The following SCAF8 variants were observed in gnomAD, a reference collection of about 807,000 sequenced individuals.
SCAF8 encodes SR-related CTD associated factor 8, also known as SR-related and CTD-associated factor 8.
Under a neutral mutation model 140.5 loss-of-function variants are expected in SCAF8, and 23 were observed. The ratio of observed to expected loss-of-function variants is 0.16; its 90% CI spans 0.12 to 0.23. SCAF8 has a LOEUF of 0.23. Ranked by LOEUF, SCAF8 falls within the 10% of genes least tolerant of loss-of-function variation. The pLI, the probability that SCAF8 is intolerant of heterozygous loss-of-function variation, is 1.00. For synonymous variants in SCAF8, 575 were observed against 528.9 expected (o/e 1.09, Z -1.20); for missense variants, 1,397 against 1,555.7 (o/e 0.90, Z 1.72).
At chr6:154,831,470 TGTGA>T (rs755232379) in intron 19 of SCAF8, among the ~76,000 whole-genome samples, 6 of 151,830 alleles carry the variant, frequency 4.0e-5, no homozygotes, top group Non-Finnish European at 7.4e-5. Flanking sequence ...AAGTATTGGG[TGTGA>T]GTAACTTCTA....
intron 1 of SCAF8, among the ~76,000 whole-genome samples, chr6:154,758,480 T>G (rs1171776777): frequency 6.6e-6 from 1 of 152,156 alleles, no homozygotes; most frequent in Non-Finnish European, 1.5e-5. Context: ...GCCTTTGCTG[T>G]GCTTCTTTGG....
intron 2 of SCAF8, among the ~76,000 whole-genome samples, chr6:154,775,025 A>G (rs1776877164): frequency 6.6e-6 from 1 of 152,224 alleles, no homozygotes; most frequent in Non-Finnish European, 1.5e-5. Flanking sequence ...CCTGAATTAA[A>G]TTATTAACCG....
intron 12 of SCAF8, among the ~76,000 whole-genome samples, chr6:154,812,281 C>T (rs1184616793): frequency 3.7e-5 from 3 of 80,046 alleles, no homozygotes; most frequent in African/African-American, 9.1e-5. Flanking sequence ...CCTACTTTGT[C>T]TCTATGTCAG....
chr6:154,822,195 G>C, intron 15 of SCAF8, 81 bp from the exon 16 acceptor site: 2 of 1,417,728 alleles, frequency 1.4e-6, no homozygotes, highest in Non-Finnish European at 1.9e-6. Context: ...GAAGGATTTA[G>C]ATGTGAAATA....
chr6:154,824,804 G>T lies in SCAF8; in HGVS notation c.2071+426G>T, dbSNP rs115306612. 8.9e-3 allele frequency: 1,370 copies of T among 153,890 alleles called. 23 individuals carry two copies. Among genetic ancestry groups the T allele is most frequent in the African/African-American group, 0.031 (1,282 of 41,488 alleles). The allele number at this position is 153,890 out of a possible 1,614,324, so 9.5% of individuals were successfully genotyped here. On this transcript the variant is annotated intron_variant, in intron 17 of 19. Coordinates refer to ENST00000367178, the MANE Select transcript of SCAF8 (RefSeq NM_014892.5). The stretch of plus-strand genomic sequence containing the variant: ...CTAAAAATACAAAAATTAGCTAGAC[G>T]TGGTGGCACAGGTCTGTAATTCCAG...
At chr6:154,798,135 T>C (rs926533485) in intron 6 of SCAF8, among the ~76,000 whole-genome samples, 1 of 151,452 alleles carries the variant, frequency 6.6e-6, no homozygotes, top group African/African-American at 2.4e-5. Flanking sequence ...CTCGGGCCTC[T>C]GGAAGCCTAA....
Position 154,832,914 on chromosome 6 carries a change from G to C in SCAF8, c.3335G>C (p.Gly1112Ala). The C allele has an allele frequency of 1.2e-6, 2 of 1,614,128 alleles. No homozygotes were observed. The highest frequency in any genetic ancestry group is 1.7e-6 in the Non-Finnish European group (2 of 1,180,010). Residue 1112 changes from glycine to alanine, a missense_variant, in exon 20 of 20, where the codon GGT becomes GCT. Around this residue, in one of 5 missense-constraint regions of SCAF8, gnomAD observed 930 missense variants for 874.6 expected, o/e 1.06. Transcript: ENST00000367178. ...CATCGGGTTCTACCGGTCTATGGTG[G>C]TCCAAAAGGCTTACATGAAGAAAGA... ...REHRVLPVYG[G>A]PKGLHEERGR...
At chr6:154,795,758 G>T (rs1454224697) in intron 6 of SCAF8, among the ~76,000 whole-genome samples, 1 of 152,128 alleles carries the variant, frequency 6.6e-6, no homozygotes, top group Non-Finnish European at 1.5e-5. Flanking sequence ...GGAATAGAGG[G>T]GAATCACAAA....
chr6:154,785,143 T>C (rs369736611), intron 3 of SCAF8, among the ~76,000 whole-genome samples: 1 of 152,354 alleles, frequency 6.6e-6, no homozygotes, highest in East Asian at 1.9e-4. Context: ...CTCAACATCA[T>C]GTGTCTAGGA....
intron 12 of SCAF8, among the ~76,000 whole-genome samples, chr6:154,811,713 A>G (rs1327400455): frequency 3.9e-5 from 3 of 76,992 alleles, no homozygotes; most frequent in Non-Finnish European, 7.3e-5. Flanking sequence ...GACAGACCCC[A>G]GTGTGTGATG....
intron 12 of SCAF8, among the ~76,000 whole-genome samples, chr6:154,814,228 G>T (rs1410745860): frequency 6.6e-6 from 1 of 152,200 alleles, no homozygotes; most frequent in Non-Finnish European, 1.5e-5. Flanking sequence ...GCGAGGCTGA[G>T]GATCACTTGA....
At chr6:154,741,838 G>A (rs1582992900) in intron 1 of SCAF8, 1 of 644,274 alleles carries the variant, frequency 1.6e-6, no homozygotes, top group East Asian at 2.8e-5. Context: ...ACTCATAATG[G>A]TGTGAAAGAA....
chr6:154,737,020 C>T (rs1367532643), intron 1 of SCAF8, among the ~76,000 whole-genome samples: 1 of 151,928 alleles, frequency 6.6e-6, no homozygotes, highest in Non-Finnish European at 1.5e-5. Flanking sequence ...ATTTTGAATG[C>T]AGTTTCTGTG....
chr6:154,773,847 A>G (rs1776844782), intron 1 of SCAF8, 142 bp from the exon 2 acceptor site: 1 of 632,276 alleles, frequency 1.6e-6, no homozygotes, highest in Admixed American at 2.9e-5. Flanking sequence ...CATTTGCCTT[A>G]TGGGCAGTGA....
intron 1 of SCAF8, among the ~76,000 whole-genome samples, chr6:154,734,832 AGT>A (rs1778368782): frequency 6.6e-6 from 1 of 152,210 alleles, no homozygotes; most frequent in African/African-American, 2.4e-5. Flanking sequence ...CGCCTTGGAA[AGT>A]GTAATTATGG....
chr6:154,827,181 C>T lies in SCAF8; in HGVS notation c.2081C>T (p.Pro694Leu), dbSNP rs752108926. 1.3e-5 allele frequency: 20 copies of T among 1,598,402 alleles called. No individual in the cohort carries two copies. The South Asian group carries it at 1.6e-4, about 13-fold the overall frequency. ...TTTTTTTTCTGTCTAGGTTTCATGC[C>T]GCCTCCAGTTCCCCCACCTGTTGTG... is the stretch of plus-strand genomic sequence containing the variant. ...NPSQPPPGFM[P>L]PPVPPPVVPP... The change falls in exon 18 of 20, where the codon CCG (proline) becomes CTG (leucine). Residue 694 changes from proline to leucine, a missense_variant. Pro to Leu is a moderately conservative substitution (Grantham distance 98). Transcript: ENST00000367178.
intron 3 of SCAF8, among the ~76,000 whole-genome samples, chr6:154,782,693 G>C (rs1335913690): frequency 1.3e-5 from 2 of 152,150 alleles, no homozygotes; most frequent in African/African-American, 4.8e-5. Flanking sequence ...CAAGCTTGAG[G>C]TGCAAGGACG....
At position 154,833,053 on chromosome 6, in the gene SCAF8, G is replaced by A; in HGVS notation, c.3474G>A (p.Arg1158=). 6.2e-7 allele frequency: 1 copy of A among 1,614,182 alleles called. No individual in the cohort carries two copies. The change falls in exon 20 of 20, where the codon AGG becomes AGA. Residue 1158 remains arginine (R), a synonymous_variant. Transcript: ENST00000367178. ...DFDDRRRPWE[R]QRDRDDRDFD... ...ATGACCGCAGAAGACCCTGGGAGAGGCAAAGGGATAGGGATGACAGAGATT... is the reference window on the plus strand; with the variant it reads ...ATGACCGCAGAAGACCCTGGGAGAGACAAAGGGATAGGGATGACAGAGATT...
At position 154,795,039 on chromosome 6, in the gene SCAF8, A is replaced by G. The variant is rs182016529; in HGVS notation, c.506A>G (p.Asn169Ser). The G allele has an allele frequency of 5.1e-5, 82 of 1,610,798 alleles. No homozygotes were observed. The highest frequency in any genetic ancestry group is 2.3e-4 in the African/African-American group (17 of 74,780). Residue 169 changes from asparagine to serine, a missense_variant, in exon 6 of 20, where the codon AAT (asparagine) becomes AGT (serine). Asn to Ser is a conservative substitution (Grantham distance 46). Transcript: ENST00000367178. The part of the protein sequence containing the change: ...GTPVTPVTPA[N>S]VVQGLPDPWV... Reference sequence around the variant, plus strand: ...CCTGTGACACCTGTTACTCCGGCCAATGTGGTCCAAGGCTTACCTGATCCG... The same window carrying G: ...CCTGTGACACCTGTTACTCCGGCCAGTGTGGTCCAAGGCTTACCTGATCCG...
Sources: allele counts gnomAD v4.1 joint callset (sites outside exome capture counted in the v4.1 genomes callset), GRCh38; gene constraint gnomAD v4.1.1; regional missense constraint gnomAD v4.1.1; transcripts MANE v1.5; gene names NCBI Gene and HGNC (gene_info 2026-07-23, HGNC 2026-07-21).